Variants in BICD1 observed in about 807,000 individuals in gnomAD.
The protein encoded by BICD1 is BICD cargo adaptor 1.
BICD1 carries 35 observed loss-of-function variants against 92.5 expected under a neutral mutation model. That is an observed-to-expected ratio of 0.38 (90% CI 0.29 to 0.50). The LOEUF (loss-of-function observed/expected upper bound fraction) is 0.50. Among genes scored for constraint, BICD1 ranks in the 20% least tolerant of loss-of-function variants. The pLI, the probability that BICD1 is intolerant of heterozygous loss-of-function variation, is 0.93. For synonymous variants in BICD1, 429 were observed against 465.1 expected (o/e 0.92, Z 1.00); for missense variants, 950 against 1,189.8 (o/e 0.80, Z 2.97).
intron 2 of BICD1, among the ~76,000 whole-genome samples, chr12:32,262,798 T>C (rs1042404278): frequency 6.6e-6 from 1 of 152,202 alleles, no homozygotes; most frequent in African/African-American, 2.4e-5. Flanking sequence ...AGCACCTTAA[T>C]TTCAAGTGTC....
intron 8 of BICD1, among the ~76,000 whole-genome samples, chr12:32,346,097 C>T (rs911817205): frequency 6.6e-6 from 1 of 152,168 alleles, no homozygotes; most frequent in Non-Finnish European, 1.5e-5. Context: ...TGCAGTGAGC[C>T]ATGATCGTGC....
chr12:32,371,896 A>G (rs1021990325), intron 9 of BICD1, among the ~76,000 whole-genome samples: 1 of 152,102 alleles, frequency 6.6e-6, no homozygotes, highest in African/African-American at 2.4e-5. Context: ...TCTTACACCC[A>G]TTTTTATGTG....
rs535917444 is a variant in BICD1 at position 32,331,565 on chromosome 12, T to C, written c.2101-2951T>C. On this transcript the variant is annotated intron_variant, in intron 5 of 9. Transcript: ENST00000652176. ...CAGGTCCAAACATGAAATTTACTTA[T>C]GTTTCATGTATTCCTATATACATAG... 9.1e-4 allele frequency among the ~76,000 whole-genome samples: 138 copies of C among 152,352 alleles called. 1 individual carries two copies. The highest frequency in any genetic ancestry group is 3.2e-3 in the African/African-American group (132 of 41,584).
chr12:32,361,168 T>C (rs977329065), intron 8 of BICD1, among the ~76,000 whole-genome samples: 1 of 152,210 alleles, frequency 6.6e-6, no homozygotes, highest in African/African-American at 2.4e-5. Context: ...ATGATTTCCT[T>C]TCTTATCACC....
rs183932618 is a variant in BICD1, at chr12:32,379,143, C to T, written c.*1516C>T. 6.6e-6 allele frequency: 1 copy of T among 152,244 alleles called. No individual in the cohort carries two copies. The highest frequency in any genetic ancestry group is 6.5e-5 in the Admixed American group (1 of 15,278). 9.4% of individuals were successfully genotyped at this position (152,244 alleles called of 1,614,324 possible). A position where few individuals can be genotyped will look rare whatever the true frequency, so the allele number is the denominator to read the frequency against. On this transcript the variant is annotated 3_prime_UTR_variant, in exon 10 of 10. Transcript: ENST00000652176. ...ACTTCTCTTCAAAACAAAAATGACCCTCACTGTTAACACAAAGGACAGTTA... is the reference window on the plus strand; with the variant it reads ...ACTTCTCTTCAAAACAAAAATGACCTTCACTGTTAACACAAAGGACAGTTA...
intron 1 of BICD1, among the ~76,000 whole-genome samples, chr12:32,196,280 A>G (rs536378441): frequency 5.2e-4 from 79 of 152,352 alleles, no homozygotes; most frequent in African/African-American, 1.9e-3. Flanking sequence ...TGATCCAGCC[A>G]TCCCACTTCT....
intron 1 of BICD1, among the ~76,000 whole-genome samples, chr12:32,208,136 T>C (rs1398927218): frequency 6.6e-6 from 1 of 152,250 alleles, no homozygotes; most frequent in African/African-American, 2.4e-5. Context: ...TTAAGGTAGA[T>C]GTTATTATTC....
chr12:32,375,098 A>G (rs1486956630), intron 9 of BICD1, among the ~76,000 whole-genome samples: 1 of 144,464 alleles, frequency 6.9e-6, no homozygotes, highest in Non-Finnish European at 1.5e-5. Context: ...TTTTTTTTTA[A>G]TTATTTTTAG....
At chr12:32,136,877 T>G (rs146308305) in intron 1 of BICD1, among the ~76,000 whole-genome samples, 1 of 152,352 alleles carries the variant, frequency 6.6e-6, no homozygotes, top group Non-Finnish European at 1.5e-5. Context: ...GTCCACTTTG[T>G]GCCAGAGTTG....
chr12:32,208,853 C>T (rs1226739461), intron 1 of BICD1, among the ~76,000 whole-genome samples: 1 of 151,430 alleles, frequency 6.6e-6, no homozygotes, highest in East Asian at 1.9e-4. Context: ...GAGACAGTAT[C>T]TCACGTTGTT....
At position 32,305,999 on chromosome 12, in the gene BICD1, G is replaced by T. The variant is rs201853914; in HGVS notation, c.882G>T (p.Val294=). ...ACGGTCATATCCATGGGCCTCTTGT[G>T]AAACTGAATGGAGACTATCGGACTC... ...KMNGHIHGPL[V]KLNGDYRTPT... Residue 294 remains valine (V), a synonymous_variant, in exon 4 of 10, where the codon GTG becomes GTT. Transcript: ENST00000652176. 5.0e-6 allele frequency: 8 copies of T among 1,614,180 alleles called. No homozygotes were observed. In the African/African-American group the frequency reaches 1.1e-4, roughly 22 times the overall value.
At chr12:32,173,378 C>T (rs34522032) in intron 1 of BICD1, among the ~76,000 whole-genome samples, 20,843 of 152,146 alleles carry the variant, frequency 0.14, 1,506 homozygotes, top group Admixed American at 0.21. Flanking sequence ...ACCACCATCC[C>T]TTGTCCGACT....
intron 1 of BICD1, among the ~76,000 whole-genome samples, chr12:32,112,024 G>C (rs1234381075): frequency 1.7e-4 from 2 of 11,760 alleles, no homozygotes; most frequent in African/African-American, 6.6e-4. Flanking sequence ...TTTTTTTTTT[G>C]AGATGGAGTT....
rs144642024 is a variant in BICD1, at chr12:32,347,273, A to G, written c.2764+8294A>G. ...GCCCTCATTTTTCTTTTAAACTGAC[A>G]TAGACCAAAGTGCTATTTTGCTGAT... On this transcript the variant is annotated intron_variant, in intron 8 of 9. Transcript: ENST00000652176. Among the ~76,000 whole-genome samples, 1,373 of 151,572 alleles carry G rather than the reference A, an allele frequency of 9.1e-3. 10 individuals are homozygous for G. The highest frequency in any genetic ancestry group is 0.024 in the Middle Eastern group (7 of 290).
In BICD1 at chr12:32,328,759, AG is replaced by A. The variant is rs1396752590; in HGVS notation, c.2100+206del. Among the ~76,000 whole-genome samples, 1 of 152,172 alleles carries A rather than the reference AG, an allele frequency of 6.6e-6. No homozygotes were observed. Among genetic ancestry groups the A allele is most frequent in the Non-Finnish European group, 1.5e-5 (1 of 68,032 alleles). On this transcript the variant is annotated intron_variant, in intron 5 of 9. Coordinates refer to ENST00000652176, the MANE Select transcript of BICD1 (RefSeq NM_001714.4). This position sits in a 1 kb window ranked among gnomAD's most constrained non-coding sequence, Gnocchi z 4.4. ...GAAATACCTGTGCCCAGTTAGGTGG[AG>A]GCAGAGGTGAGGAACTTAAAGCAGG...
At chr12:32,239,436 C>T (rs1407550506) in intron 2 of BICD1, among the ~76,000 whole-genome samples, 9 of 146,758 alleles carry the variant, frequency 6.1e-5, no homozygotes, top group Admixed American at 4.1e-4. Flanking sequence ...CGTGGTGGCG[C>T]ATGTTTGTAA....
intron 2 of BICD1, among the ~76,000 whole-genome samples, chr12:32,284,317 AT>A: frequency 6.6e-6 from 1 of 152,318 alleles, no homozygotes; most frequent in South Asian, 2.1e-4. Flanking sequence ...TGGTTTGACT[AT>A]CAAAAGTAAC....
At chr12:32,147,293 C>G (rs1943141816) in intron 1 of BICD1, among the ~76,000 whole-genome samples, 1 of 152,078 alleles carries the variant, frequency 6.6e-6, no homozygotes, top group South Asian at 2.1e-4. Context: ...AATATTAGGA[C>G]TGGAAAGCAG....
chr12:32,338,299 AT>A (rs1938216740), intron 7 of BICD1: 1 of 173,868 alleles, frequency 5.8e-6, no homozygotes, highest in African/African-American at 2.4e-5. Context: ...ACCAAAACTG[AT>A]GACAGACTGA....
Sources: allele counts gnomAD v4.1 joint callset (sites outside exome capture counted in the v4.1 genomes callset), GRCh38; gene constraint gnomAD v4.1.1; non-coding constraint Gnocchi (gnomAD v3.1); transcripts MANE v1.5; gene names NCBI Gene and HGNC (gene_info 2026-07-23, HGNC 2026-07-21).